Variants in EBF1 observed in about 807,000 individuals in gnomAD.
EBF1 encodes the protein EBF transcription factor 1, also known as transcription factor COE1.
A neutral mutation model predicts 68.4 loss-of-function variants in EBF1; 10 were observed. The ratio of observed to expected loss-of-function variants is 0.15; its 90% CI spans 0.09 to 0.25. EBF1 has a LOEUF of 0.25. Ranked by LOEUF, EBF1 falls within the 10% of genes least tolerant of loss-of-function variation. EBF1 has a pLI of 1.00. For synonymous variants in EBF1, 298 were observed against 299.8 expected, an observed-to-expected ratio of 0.99 and a Z score of 0.06; for missense variants, 509 against 794.4, an observed-to-expected ratio of 0.64 and a Z score of 4.32.
chr5:158,954,215 G>GTAAACTGTTGTAAACTGTTGTAAACTTCA (rs535034759), intron 6 of EBF1, among the ~76,000 whole-genome samples: 368 of 152,302 alleles, frequency 2.4e-3, no homozygotes, highest in African/African-American at 8.6e-3. Flanking sequence ...GTGGCGTGGA[G>GTAAACTGTTGTAAACTGTTGTAAACTTCA]GTTGTAAACT....
intron 6 of EBF1, among the ~76,000 whole-genome samples, chr5:158,892,475 CA>C (rs1166120029): frequency 1.3e-5 from 2 of 151,852 alleles, no homozygotes; most frequent in East Asian, 1.9e-4. Context: ...GATGACGAAA[CA>C]AAAAAAACCA....
At chr5:158,826,606 C>G (rs1306849632) in intron 7 of EBF1, among the ~76,000 whole-genome samples, 1 of 152,120 alleles carries the variant, frequency 6.6e-6, no homozygotes, top group Non-Finnish European at 1.5e-5. Flanking sequence ...ATGCTTTAAT[C>G]ACTATATTTT....
intron 6 of EBF1, among the ~76,000 whole-genome samples, chr5:158,937,113 C>G (rs991345116): frequency 6.6e-6 from 1 of 151,900 alleles, no homozygotes; most frequent in South Asian, 2.1e-4. Flanking sequence ...CAATGAAGTA[C>G]AGGTGCATGA....
chr5:158,813,949 C>T (rs1364611771), intron 8 of EBF1, among the ~76,000 whole-genome samples: 2 of 152,148 alleles, frequency 1.3e-5, no homozygotes, highest in Admixed American at 6.5e-5. Context: ...GCTCCTGTGA[C>T]AGATAAGTAT....
At chr5:158,978,397 TC>T (rs1049616848) in intron 6 of EBF1, among the ~76,000 whole-genome samples, 9 of 152,164 alleles carry the variant, frequency 5.9e-5, no homozygotes, top group African/African-American at 2.2e-4. Flanking sequence ...ACACTGAATT[TC>T]CCCCTTCCCT....
intron 10 of EBF1, among the ~76,000 whole-genome samples, 165 bp downstream of exon 10, chr5:158,777,248 A>G (rs940602849): frequency 5.9e-5 from 9 of 152,210 alleles, no homozygotes; most frequent in Non-Finnish European, 8.8e-5. Context: ...TCTTAATACA[A>G]TAATAAAAGC....
At chr5:158,924,028 G>A (rs895983665) in intron 6 of EBF1, among the ~76,000 whole-genome samples, 2 of 152,178 alleles carry the variant, frequency 1.3e-5, no homozygotes, top group Non-Finnish European at 2.9e-5. Context: ...CCGCAGCTCA[G>A]ATGTGTTATT....
intron 9 of EBF1, among the ~76,000 whole-genome samples, chr5:158,790,324 C>T (rs1484733311): frequency 6.6e-6 from 1 of 152,154 alleles, no homozygotes; most frequent in Non-Finnish European, 1.5e-5. Context: ...AGAATAATGG[C>T]TCTAAACATT....
chr5:159,066,064 T>C (rs991403156), intron 6 of EBF1, among the ~76,000 whole-genome samples: 1 of 152,174 alleles, frequency 6.6e-6, no homozygotes, highest in African/African-American at 2.4e-5. Context: ...ATCTATTAGA[T>C]GTCACTAGGC....
chr5:158,991,425 A>T (rs1760299503), intron 6 of EBF1, among the ~76,000 whole-genome samples: 1 of 152,252 alleles, frequency 6.6e-6, no homozygotes, highest in Admixed American at 6.5e-5. Flanking sequence ...TAAATTAAAA[A>T]GTCTCATATT....
chr5:158,958,171 G>A (rs1382540663), intron 6 of EBF1, among the ~76,000 whole-genome samples: 4 of 152,064 alleles, frequency 2.6e-5, no homozygotes, highest in Admixed American at 6.6e-5. Flanking sequence ...GCTCGGTGGT[G>A]TCCTAACTTG....
chr5:159,050,365 G>C (rs1009068249), intron 6 of EBF1, among the ~76,000 whole-genome samples: 2 of 151,914 alleles, frequency 1.3e-5, no homozygotes, highest in Non-Finnish European at 2.9e-5. Context: ...TCCCCACCAG[G>C]ACCATCAGTC....
intron 6 of EBF1, among the ~76,000 whole-genome samples, chr5:158,862,580 A>G (rs530576160): frequency 2.6e-5 from 4 of 152,208 alleles, no homozygotes; most frequent in Non-Finnish European, 4.4e-5. Flanking sequence ...TGAGAAAAGG[A>G]CTCAACTACA....
intron 6 of EBF1, among the ~76,000 whole-genome samples, chr5:158,959,282 T>A (rs1421546285): frequency 6.7e-6 from 1 of 149,210 alleles, no homozygotes; most frequent in Non-Finnish European, 1.5e-5. Context: ...AAACTCTAGC[T>A]CTACTTAAGA....
chr5:158,730,585 A>T (rs6556362), intron 11 of EBF1, among the ~76,000 whole-genome samples: 133,349 of 152,284 alleles, frequency 0.88, 58,623 homozygotes, highest in East Asian at 0.99. Flanking sequence ...GATCTACCAA[A>T]ACATTTTGAG....
intron 6 of EBF1, among the ~76,000 whole-genome samples, chr5:159,060,971 C>CAT (rs397883834): frequency 4.7e-5 from 7 of 149,504 alleles, no homozygotes; most frequent in Non-Finnish European, 8.9e-5. Flanking sequence ...CACACACACA[C>CAT]ATACCCCTCA....
At chr5:159,001,855 A>G (rs1762604489) in intron 6 of EBF1, among the ~76,000 whole-genome samples, 1 of 152,128 alleles carries the variant, frequency 6.6e-6, no homozygotes, top group South Asian at 2.1e-4. Flanking sequence ...GGAGAGTGGG[A>G]GCTAAACATG....
chr5:158,965,522 C>G (rs762167685), intron 6 of EBF1, among the ~76,000 whole-genome samples: 3 of 152,108 alleles, frequency 2.0e-5, no homozygotes, highest in Non-Finnish European at 4.4e-5. Flanking sequence ...TTTGAAAATC[C>G]ATACAGTTAA....
At chr5:158,997,797 C>T (rs1158579985) in intron 6 of EBF1, among the ~76,000 whole-genome samples, 3 of 152,178 alleles carry the variant, frequency 2.0e-5, no homozygotes, top group Non-Finnish European at 4.4e-5. Flanking sequence ...GCTAGCTCTA[C>T]AGCAGGCTCT....
Sources: allele counts gnomAD v4.1 joint callset (sites outside exome capture counted in the v4.1 genomes callset), GRCh38; gene constraint gnomAD v4.1.1; transcripts MANE v1.5; gene names NCBI Gene and HGNC (gene_info 2026-07-23, HGNC 2026-07-21).